The following PTPN13 variants were observed in gnomAD, a reference collection of about 807,000 sequenced individuals.
PTPN13 encodes protein tyrosine phosphatase non-receptor type 13.
PTPN13 carries 191 observed loss-of-function variants against 284.0 expected under a neutral mutation model. The observed-to-expected ratio is 0.67, with a 90% CI of 0.60 to 0.76. The LOEUF (loss-of-function observed/expected upper bound fraction) is 0.76, where lower values mean the gene tolerates loss of function less well. Among genes scored for constraint, PTPN13 ranks in the 30% least tolerant of loss-of-function variants. The pLI, the probability that PTPN13 is intolerant of heterozygous loss-of-function variation, is 0.00. For synonymous variants in PTPN13, 986 were observed against 1,022.3 expected (o/e 0.96, Z 0.68); for missense variants, 2,797 against 2,939.9 (o/e 0.95, Z 1.12).
intron 17 of PTPN13, among the ~76,000 whole-genome samples, chr4:86,749,492 A>C (rs1437122074): frequency 2.6e-5 from 4 of 152,216 alleles, no homozygotes; most frequent in Admixed American, 2.6e-4. Flanking sequence ...GATGTGGGTC[A>C]CTAACTGCAT....
Position 86,775,261 on chromosome 4 carries a change from C to T in PTPN13, c.5599C>T (p.Arg1867Ter), listed in dbSNP as rs370026732. 3 of 1,613,388 alleles carry T rather than the reference C, an allele frequency of 1.9e-6. No homozygotes were observed. The highest frequency in any genetic ancestry group is 1.7e-6 in the Non-Finnish European group (2 of 1,179,484). The change falls in exon 34 of 48, where the codon CGA becomes TGA. Residue 1867 changes from arginine (R) to a stop codon, truncating the protein, a stop_gained. Transcript: ENST00000411767. LOFTEE classifies it high-confidence loss of function. ...CAAAACAGTCAGATTAGTTATTGGA[C>T]GAGTTCTAGAATTACCCAGAATACC... ...ASKTVRLVIG[R>*]VLELPRIPML... is the part of the protein sequence containing the mutation.
In PTPN13 at chr4:86,730,695, C is replaced by T. The variant is rs546002942; in HGVS notation, c.1609-1705C>T. Among the ~76,000 whole-genome samples the T allele has an allele frequency of 5.8e-4, 87 of 149,466 alleles. 6 individuals are homozygous for T. The highest frequency in any genetic ancestry group is 1.9e-3 in the African/African-American group (78 of 41,090). On this transcript the variant is annotated intron_variant, in intron 10 of 47. Transcript: ENST00000411767. ...TTTGGGCGGGAGTGTTCCGTTTTTC[C>T]AGGTACAGTTTGTCTCAGCTTCCCT...
intron 17 of PTPN13, 25 bp from the exon 18 acceptor site, chr4:86,750,435 TTACCATCATG>T: frequency 6.5e-7 from 1 of 1,549,504 alleles, no homozygotes; most frequent in Non-Finnish European, 8.8e-7. Context: ...TACTGTGGCG[TTACCATCATG>T]TAAAGCAATC....
intron 2 of PTPN13, among the ~76,000 whole-genome samples, chr4:86,664,171 C>A (rs78405897): frequency 3.3e-5 from 5 of 152,008 alleles, no homozygotes; most frequent in Non-Finnish European, 7.4e-5. Context: ...AGAAAGCCTG[C>A]GTAATTTCTT....
intron 40 of PTPN13, among the ~76,000 whole-genome samples, chr4:86,787,182 C>T (rs940278154): frequency 6.6e-6 from 1 of 151,664 alleles, no homozygotes; most frequent in Non-Finnish European, 1.5e-5. Flanking sequence ...CTCATTTATA[C>T]TGAGCTATGA....
At chr4:86,770,844 G>A (rs1739910744) in intron 30 of PTPN13, among the ~76,000 whole-genome samples, 1 of 152,044 alleles carries the variant, frequency 6.6e-6, no homozygotes, top group East Asian at 1.9e-4. Flanking sequence ...AGAAATAAAG[G>A]TATAGCCATC....
intron 9 of PTPN13, among the ~76,000 whole-genome samples, chr4:86,718,163 A>G (rs576198799): frequency 1.1e-4 from 16 of 152,304 alleles, no homozygotes; most frequent in Admixed American, 5.2e-4. Context: ...CAAATTTGTA[A>G]TATATTAGAG....
At chr4:86,791,248 A>G (rs28623441) in intron 40 of PTPN13, among the ~76,000 whole-genome samples, 15,137 of 152,242 alleles carry the variant, frequency 0.099, 872 homozygotes, top group Non-Finnish European at 0.11. Flanking sequence ...CTGCCAGCGC[A>G]GCAGTCTGAG....
At chr4:86,809,729 T>C (rs778746476) in intron 45 of PTPN13, 40 bp from the exon 46 acceptor site, 6 of 1,539,940 alleles carry the variant, frequency 3.9e-6, no homozygotes, top group Non-Finnish European at 5.4e-6. Flanking sequence ...GTGAACAATA[T>C]AACATGTCAT....
intron 3 of PTPN13, 66 bp from the exon 4 acceptor site, chr4:86,686,644 A>G (rs1729488848): frequency 4.9e-6 from 5 of 1,015,536 alleles, no homozygotes; most frequent in Admixed American, 2.4e-5. Flanking sequence ...ATCTGTTTTT[A>G]TAGCACTTGC....
chr4:86,685,939 T>A (rs1019792021), intron 3 of PTPN13, among the ~76,000 whole-genome samples: 10 of 152,224 alleles, frequency 6.6e-5, no homozygotes, highest in African/African-American at 1.7e-4. Context: ...TTGAAAAAAA[T>A]TTTAATTCTC....
intron 2 of PTPN13, among the ~76,000 whole-genome samples, chr4:86,659,116 A>G (rs1237795051): frequency 6.6e-6 from 1 of 152,186 alleles, no homozygotes; most frequent in African/African-American, 2.4e-5. Flanking sequence ...AACATTGTCT[A>G]ATAGAAATAT....
chr4:86,672,472 G>T lies in PTPN13; in HGVS notation c.223G>T (p.Asp75Tyr), dbSNP rs1727819086. 1 of 1,600,946 alleles carries T rather than the reference G, an allele frequency of 6.2e-7. No homozygotes were observed. Among genetic ancestry groups the T allele is most frequent in the South Asian group, 1.1e-5 (1 of 88,490 alleles). Residue 75 changes from aspartate to tyrosine, a missense_variant, in exon 3 of 48, where the codon GAT becomes TAT. Transcript: ENST00000411767. Reference sequence around the variant, plus strand: ...TACAGATGAAAATATTTCCAATCAGGATCTTCGAGCATTCACTGCACCAGA... The same window carrying T: ...TACAGATGAAAATATTTCCAATCAGTATCTTCGAGCATTCACTGCACCAGA... ...SFTDENISNQ[D>Y]LRAFTAPEVL... is the part of the protein sequence containing the mutation.
intron 15 of PTPN13, among the ~76,000 whole-genome samples, chr4:86,737,247 A>G (rs1201361061): frequency 6.6e-6 from 1 of 151,642 alleles, no homozygotes; most frequent in Non-Finnish European, 1.5e-5. Context: ...CAAATAAAAT[A>G]AAATAAAATA....
At chr4:86,669,292 T>TATATAC (rs1727464267) in intron 2 of PTPN13, among the ~76,000 whole-genome samples, 1 of 125,060 alleles carries the variant, frequency 8.0e-6, no homozygotes, top group Non-Finnish European at 1.7e-5. Context: ...GATGTATATA[T>TATATAC]ATATATATAT....
chr4:86,701,892 C>A, intron 7 of PTPN13, 91 bp downstream of exon 7: 1 of 1,254,790 alleles, frequency 8.0e-7, no homozygotes, highest in Non-Finnish European at 1.1e-6. Flanking sequence ...TTCCACAAGT[C>A]TTATTTTCAC....
In PTPN13 at chr4:86,751,024, CA is replaced by C. The variant is rs1186532835; in HGVS notation, c.3069-2del. The C allele has an allele frequency of 6.3e-7, 1 of 1,598,860 alleles. No individual in the cohort carries two copies. The highest frequency in any genetic ancestry group is 1.1e-5 in the South Asian group (1 of 89,802). On this transcript the variant is annotated splice_acceptor_variant, in intron 18 of 47. Coordinates refer to ENST00000411767, the MANE Select transcript of PTPN13 (RefSeq NM_080683.3). LOFTEE classifies it high-confidence loss of function. The stretch of plus-strand genomic sequence containing the variant: ...CCCTCCTACCTTCCTTTTCCCTCTT[CA>C]GTTCAAAGTCTGTTGCGAGTTTAAA...
intron 15 of PTPN13, among the ~76,000 whole-genome samples, chr4:86,740,867 T>C (rs1308748264): frequency 1.3e-5 from 2 of 151,700 alleles, no homozygotes; most frequent in Non-Finnish European, 2.9e-5. Context: ...AGTTGAAAGT[T>C]CCACAAATCT....
chr4:86,736,563 G>A (rs1016863238), intron 15 of PTPN13, among the ~76,000 whole-genome samples: 2 of 151,968 alleles, frequency 1.3e-5, no homozygotes, highest in Non-Finnish European at 2.9e-5. Context: ...AAGGCAAGGT[G>A]GTTTTTTCTG....
Sources: gnomAD v4.1 joint callset for allele counts (sites outside exome capture counted in the v4.1 genomes callset) on GRCh38, gnomAD v4.1.1 for gene constraint, MANE v1.5 for transcripts, NCBI Gene and HGNC (gene_info 2026-07-23, HGNC 2026-07-21) for gene names.